The following SLC35F1 variants were observed in gnomAD, a reference collection of about 807,000 sequenced individuals.
SLC35F1 encodes the protein chromosome 6 open reading frame 169.
A neutral mutation model predicts 48.7 loss-of-function variants in SLC35F1; 14 were observed. The observed-to-expected ratio is 0.29, with a 90% CI of 0.19 to 0.45. The LOEUF (loss-of-function observed/expected upper bound fraction) is 0.45. SLC35F1 is among the 20% of genes least tolerant of loss of function. The probability of loss-of-function intolerance (pLI) is 1.00; values close to 1 mark genes in which losing one functional copy is unlikely to be tolerated. For synonymous variants in SLC35F1, 190 were observed against 202.2 expected, an observed-to-expected ratio of 0.94 and a Z score of 0.51; for missense variants, 404 against 500.0, an observed-to-expected ratio of 0.81 and a Z score of 1.83.
chr6:118,288,061 T>C (rs1167261471), intron 7 of SLC35F1, among the ~76,000 whole-genome samples: 2 of 152,152 alleles, frequency 1.3e-5, no homozygotes, highest in Admixed American at 1.3e-4. Context: ...TGTTACTATT[T>C]GAAAGATAAA....
intron 1 of SLC35F1, among the ~76,000 whole-genome samples, chr6:118,076,827 A>AT (rs372957526): frequency 1.1e-4 from 17 of 151,246 alleles, no homozygotes; most frequent in East Asian, 1.9e-4. Flanking sequence ...GGCAGCATTG[A>AT]TTTTTTTTTC....
chr6:118,185,840 GT>G (rs1774648766), intron 2 of SLC35F1, among the ~76,000 whole-genome samples: 1 of 151,976 alleles, frequency 6.6e-6, no homozygotes, highest in African/African-American at 2.4e-5. Flanking sequence ...GGGTTTTTTT[GT>G]TGATTACAAC....
intron 6 of SLC35F1, among the ~76,000 whole-genome samples, chr6:118,282,905 C>G (rs927604780): frequency 6.6e-6 from 1 of 152,310 alleles, no homozygotes; most frequent in South Asian, 2.1e-4. Flanking sequence ...TCTAACTGGT[C>G]TCTGTAACTG....
intron 1 of SLC35F1, among the ~76,000 whole-genome samples, chr6:118,136,865 G>A (rs1294255665): frequency 1.3e-5 from 2 of 152,178 alleles, no homozygotes; most frequent in Non-Finnish European, 2.9e-5. Context: ...TATGAAATAT[G>A]TATCACAGCA....
At chr6:118,092,664 C>A (rs1267274454) in intron 1 of SLC35F1, among the ~76,000 whole-genome samples, 2 of 152,196 alleles carry the variant, frequency 1.3e-5, no homozygotes, top group Non-Finnish European at 1.5e-5. Context: ...AGAGGTGGAG[C>A]TTCCCGAGGC....
chr6:118,232,548 C>CAAAAAAA (rs771123566), intron 2 of SLC35F1, among the ~76,000 whole-genome samples: 2 of 50,694 alleles, frequency 3.9e-5, no homozygotes, highest in African/African-American at 6.6e-5. Context: ...AACTCCATCC[C>CAAAAAAA]AAAAAAAAAA....
intron 1 of SLC35F1, among the ~76,000 whole-genome samples, chr6:117,944,604 C>CAT (rs1444442029): frequency 1.3e-5 from 2 of 151,724 alleles, no homozygotes; most frequent in Non-Finnish European, 2.9e-5. Flanking sequence ...CACACACACA[C>CAT]ACACACACAC....
At chr6:117,971,073 A>G (rs1776631246) in intron 1 of SLC35F1, among the ~76,000 whole-genome samples, 1 of 152,178 alleles carries the variant, frequency 6.6e-6, no homozygotes, top group Admixed American at 6.5e-5. Context: ...CCCTCCACCT[A>G]CGCGCCTGTA....
At chr6:118,200,159 TATACATACATACATACATACATACATAC>T (rs71012386) in intron 2 of SLC35F1, among the ~76,000 whole-genome samples, 1 of 147,180 alleles carries the variant, frequency 6.8e-6, no homozygotes, top group African/African-American at 2.6e-5. Context: ...TACATACATA[TATACATACATACATACATACATACATAC>T]ATACATACAT....
chr6:118,123,377 C>T, intron 1 of SLC35F1, among the ~76,000 whole-genome samples: 1 of 151,886 alleles, frequency 6.6e-6, no homozygotes, highest in East Asian at 1.9e-4. Flanking sequence ...CAAGGTAATA[C>T]ATTTGGTAGA....
chr6:117,999,188 A>G (rs1777047804), intron 1 of SLC35F1: 4 of 1,595,362 alleles, frequency 2.5e-6, no homozygotes, highest in African/African-American at 1.3e-5. Flanking sequence ...TGCCGAGGCT[A>G]TCAAGGCCCT....
At chr6:118,265,085 C>G (rs1775755445) in intron 3 of SLC35F1, among the ~76,000 whole-genome samples, 1 of 152,222 alleles carries the variant, frequency 6.6e-6, no homozygotes, top group African/African-American at 2.4e-5. Flanking sequence ...GCTTACTATT[C>G]TGAGTGCTTG....
At position 117,921,053 on chromosome 6, in the gene SLC35F1, G is replaced by GAC. The variant is rs60793418; in HGVS notation, c.173+13191_173+13192dup. Among the ~76,000 whole-genome samples, 1,216 of 149,484 alleles carry GAC rather than the reference G, an allele frequency of 8.1e-3. 11 individuals are homozygous for GAC. The highest frequency in any genetic ancestry group is 0.017 in the African/African-American group (683 of 40,684). On this transcript the variant is annotated intron_variant, in intron 1 of 7. Coordinates refer to ENST00000360388, the MANE Select transcript of SLC35F1 (RefSeq NM_001029858.4). ...TTTATGCTTTGCTCTATTTCTCTTT[G>GAC]ACACACACACACACACACACACACA...
At chr6:118,045,602 C>T (rs1034448048) in intron 1 of SLC35F1, among the ~76,000 whole-genome samples, 2 of 152,174 alleles carry the variant, frequency 1.3e-5, no homozygotes, top group Non-Finnish European at 2.9e-5. Flanking sequence ...AACTGATTCC[C>T]GTGTCTTTGG....
At chr6:117,938,711 C>G (rs2114817833) in intron 1 of SLC35F1, among the ~76,000 whole-genome samples, 1 of 152,298 alleles carries the variant, frequency 6.6e-6, no homozygotes, top group South Asian at 2.1e-4. Context: ...GTTCTTGGGT[C>G]CAAACTATGG....
chr6:118,285,369 T>C (rs758401769), intron 7 of SLC35F1, 31 bp downstream of exon 7: 10 of 1,611,878 alleles, frequency 6.2e-6, no homozygotes, highest in South Asian at 1.1e-5. Context: ...TTTGTGAAGA[T>C]GATACTTTGT....
At chr6:118,281,582 A>T (rs1280539124) in intron 6 of SLC35F1, among the ~76,000 whole-genome samples, 1 of 152,080 alleles carries the variant, frequency 6.6e-6, no homozygotes, top group African/African-American at 2.4e-5. Flanking sequence ...TTGGGGTCAG[A>T]TCTCCTCTAG....
chr6:118,245,437 T>C (rs1393231991), intron 3 of SLC35F1, among the ~76,000 whole-genome samples: 4 of 152,142 alleles, frequency 2.6e-5, no homozygotes, highest in Non-Finnish European at 4.4e-5. Context: ...CTAATGTCCC[T>C]AGGGGCAGCT....
chr6:118,218,061 T>C (rs951540131), intron 2 of SLC35F1, among the ~76,000 whole-genome samples: 1 of 152,062 alleles, frequency 6.6e-6, no homozygotes, highest in African/African-American at 2.4e-5. Context: ...AGAATGCAAG[T>C]CTTGGGATTT....
Sources: allele counts gnomAD v4.1 joint callset (sites outside exome capture counted in the v4.1 genomes callset), GRCh38; gene constraint gnomAD v4.1.1; transcripts MANE v1.5; gene names NCBI Gene and HGNC (gene_info 2026-07-23, HGNC 2026-07-21).